FASTKD2: variants seen among roughly 807,000 people sequenced by gnomAD.
The protein encoded by FASTKD2 is FAST kinase domains 2.
In FASTKD2, 51 loss-of-function variants were observed where a neutral mutation model predicts 63.6. That is an observed-to-expected ratio of 0.80 (90% CI 0.64 to 1.01). The LOEUF (loss-of-function observed/expected upper bound fraction) is 1.01, where lower values mean the gene tolerates loss of function less well. Ranked by LOEUF, FASTKD2 falls within the 50% of genes least tolerant of loss-of-function variation. The pLI, the probability that FASTKD2 is intolerant of heterozygous loss-of-function variation, is 0.00. For synonymous variants in FASTKD2, 284 were observed against 293.4 expected (o/e 0.97, Z 0.33); for missense variants, 786 against 831.1 (o/e 0.95, Z 0.67).
At chr2:206,780,368 A>T (rs570508669) in intron 7 of FASTKD2, among the ~76,000 whole-genome samples, 1 of 152,268 alleles carries the variant, frequency 6.6e-6, no homozygotes, top group East Asian at 1.9e-4. Context: ...TTTGCCAAGT[A>T]TAGGATTATT....
In FASTKD2 at chr2:206,794,603, G is replaced by C. The variant is rs975497559; in HGVS notation, c.*2801G>C. Among the ~76,000 whole-genome samples the C allele has an allele frequency of 2.2e-4, 33 of 152,198 alleles. No individual in the cohort carries two copies. The highest frequency in any genetic ancestry group is 7.9e-4 in the African/African-American group (33 of 41,546). ...AATTCTCAGTAGTTACCACTGAATA[G>C]AAACTTTCTTTACACAAAGCTGATT... On this transcript the variant is annotated 3_prime_UTR_variant, in exon 12 of 12. Coordinates refer to ENST00000402774, the MANE Select transcript of FASTKD2 (RefSeq NM_001136193.2).
rs762496331 is a variant in FASTKD2, at chr2:206,787,921, CTT to C, written c.1595-12_1595-11del. 6.2e-6 allele frequency: 9 copies of C among 1,463,118 alleles called. No homozygotes were observed. The highest frequency in any genetic ancestry group is 1.1e-5 in the South Asian group (1 of 87,890). The allele number at this position is 1,463,118 out of a possible 1,614,324, so 90.6% of individuals were successfully genotyped here. ...TTATTTCTTCTTAATGATATACTCT[CTT>C]TTTCATCTTTTAGATGACATGAAGA... On this transcript the variant is annotated splice_polypyrimidine_tract_variant and intron_variant, in intron 8 of 11. Transcript: ENST00000402774.
At position 206,772,240 on chromosome 2, in the gene FASTKD2, C is replaced by G; in HGVS notation, c.1174C>G (p.Leu392Val). 2 of 1,613,090 alleles carry G rather than the reference C, an allele frequency of 1.2e-6. No homozygotes were observed. The highest frequency in any genetic ancestry group is 1.7e-6 in the Non-Finnish European group (2 of 1,179,054). ...MINILQSCKD[L>V]QYHNLDLFKG... Reference sequence around the variant, plus strand: ...CAACATATTGCAGTCCTGCAAAGACCTCCAGTACCATAATTTGGATCTCTT... The same window carrying G: ...CAACATATTGCAGTCCTGCAAAGACGTCCAGTACCATAATTTGGATCTCTT... The change falls in exon 6 of 12, where the codon CTC (leucine) becomes GTC (valine). Residue 392 changes from leucine to valine, a missense_variant. Coordinates refer to ENST00000402774, the MANE Select transcript of FASTKD2 (RefSeq NM_001136193.2).
chr2:206,773,315 T>TC (rs1553596458), intron 6 of FASTKD2, among the ~76,000 whole-genome samples: 2 of 65,172 alleles, frequency 3.1e-5, no homozygotes, highest in Admixed American at 1.7e-4. Flanking sequence ...AAACTCTGTC[T>TC]CAAAAAAAAA....
chr2:206,790,293 C>CT (rs770732530), intron 10 of FASTKD2: 3 of 372,456 alleles, frequency 8.1e-6, no homozygotes, highest in Admixed American at 4.0e-5. Flanking sequence ...AAAATTGGTG[C>CT]TTTCATGTCT....
rs761768677 is a variant in FASTKD2, at chr2:206,774,273, G to A, written c.1303G>A (p.Gly435Ser). The change falls in exon 7 of 12, where the codon GGT (glycine) becomes AGT (serine). Residue 435 changes from glycine to serine, a missense_variant. Gly to Ser is a moderately conservative substitution (Grantham distance 56). Coordinates refer to ENST00000402774, the MANE Select transcript of FASTKD2 (RefSeq NM_001136193.2). The part of the protein sequence containing the change: ...LFENLGFRPV[G>S]LMDLFMKRIV... ...TGAAAACCTTGGCTTTCGACCTGTTGGTTTAATGGACCTGTTTATGAAGAG... is the reference window on the plus strand; with the variant it reads ...TGAAAACCTTGGCTTTCGACCTGTTAGTTTAATGGACCTGTTTATGAAGAG... 6.2e-7 allele frequency: 1 copy of A among 1,611,508 alleles called. No homozygotes were observed. Among genetic ancestry groups the A allele is most frequent in the South Asian group, 1.1e-5 (1 of 90,962 alleles).
At position 206,767,361 on chromosome 2, in the gene FASTKD2, A is replaced by G; in HGVS notation, c.668A>G (p.Glu223Gly). The change falls in exon 2 of 12, where the codon GAA (glutamate) becomes GGA (glycine). Residue 223 changes from glutamate (E) to glycine (G), a missense_variant. Physicochemically the swap from Glu to Gly is moderately conservative, Grantham distance 98. Transcript: ENST00000402774. ...CAGCTCTGTGAACATATGATGAGAGAAGCCAAGATCATGCAGTATAAGTAC... is the reference window on the plus strand; with the variant it reads ...CAGCTCTGTGAACATATGATGAGAGGAGCCAAGATCATGCAGTATAAGTAC... ...FNQLCEHMMR[E>G]AKIMQYKYLL... The G allele has an allele frequency of 1.9e-6, 3 of 1,614,102 alleles. No individual in the cohort carries two copies. Among genetic ancestry groups the G allele is most frequent in the Non-Finnish European group, 2.5e-6 (3 of 1,180,016 alleles).
At chr2:206,790,425 A>G in intron 10 of FASTKD2, 147 bp from the exon 11 acceptor site, 1 of 671,760 alleles carries the variant, frequency 1.5e-6, no homozygotes, top group Non-Finnish European at 2.7e-6. Flanking sequence ...GCAGAGGCCA[A>G]GTAAAAGAAG....
At chr2:206,769,184 A>C (rs184959583) in intron 2 of FASTKD2, among the ~76,000 whole-genome samples, 191 of 152,360 alleles carry the variant, frequency 1.3e-3, no homozygotes, top group Non-Finnish European at 1.8e-3. Context: ...CACATAGACA[A>C]GTGGTCTTTT....
Position 206,788,471 on chromosome 2 carries a change from C to T in FASTKD2, c.1813+316C>T, listed in dbSNP as rs540926194. Among the ~76,000 whole-genome samples, 11 of 152,102 alleles carry T rather than the reference C, an allele frequency of 7.2e-5. No individual in the cohort carries two copies. In the South Asian group the frequency reaches 1.9e-3, roughly 26 times the overall value. On this transcript the variant is annotated intron_variant, in intron 9 of 11. Transcript: ENST00000402774. ...ACTTGGGGCTGGTCACGGTGGCACACGCCTGTAATCCTAGCATGTGGAGAG... is the reference window on the plus strand; with the variant it reads ...ACTTGGGGCTGGTCACGGTGGCACATGCCTGTAATCCTAGCATGTGGAGAG...
Position 206,795,093 on chromosome 2 carries a change from ATC to A in FASTKD2, c.*3298_*3299del, listed in dbSNP as rs1690408313. ...ATCACAGCCAGGCAGCAAAGGACAG[ATC>A]TCTCTCATACTCTTCATTCACAGGG... On this transcript the variant is annotated 3_prime_UTR_variant, in exon 12 of 12. Coordinates refer to ENST00000402774, the MANE Select transcript of FASTKD2 (RefSeq NM_001136193.2). Among the ~76,000 whole-genome samples the A allele has an allele frequency of 6.6e-6, 1 of 152,148 alleles. No individual in the cohort carries two copies. The highest frequency in any genetic ancestry group is 1.5e-5 in the Non-Finnish European group (1 of 68,040).
intron 7 of FASTKD2, among the ~76,000 whole-genome samples, chr2:206,780,363 C>G (rs1480604235): frequency 6.6e-6 from 1 of 152,036 alleles, no homozygotes. Flanking sequence ...ACGGTTTTGC[C>G]AAGTATAGGA....
Position 206,785,304 on chromosome 2 carries a change from T to C in FASTKD2, c.1428-1429T>C, listed in dbSNP as rs144297585. ...AGCCAAACCATATCATCTAGGATAT[T>C]TGGAAATAGAGGAAGGATATATCAG... On this transcript the variant is annotated intron_variant, in intron 7 of 11. Coordinates refer to ENST00000402774, the MANE Select transcript of FASTKD2 (RefSeq NM_001136193.2). 4.6e-5 allele frequency among the ~76,000 whole-genome samples: 7 copies of C among 152,120 alleles called. No individual in the cohort carries two copies. In the East Asian group the frequency reaches 1.4e-3, roughly 30 times the overall value.
rs1229818374 is a variant in FASTKD2 at position 206,794,418 on chromosome 2, A to G, written c.*2616A>G. Among the ~76,000 whole-genome samples, 1 of 152,018 alleles carries G rather than the reference A, an allele frequency of 6.6e-6. No individual in the cohort carries two copies. The highest frequency in any genetic ancestry group is 1.5e-5 in the Non-Finnish European group (1 of 68,002). On this transcript the variant is annotated 3_prime_UTR_variant, in exon 12 of 12. Transcript: ENST00000402774. ...ATTATTTTTTAATTTTAATTTTTAGATTTTTAAAGATGGGGCCCTGCTATG... is the reference window on the plus strand; with the variant it reads ...ATTATTTTTTAATTTTAATTTTTAGGTTTTTAAAGATGGGGCCCTGCTATG...
At chr2:206,772,449 T>A in intron 6 of FASTKD2, 129 bp downstream of exon 6, 1 of 948,492 alleles carries the variant, frequency 1.1e-6, no homozygotes, top group Non-Finnish European at 1.6e-6. Context: ...CTGAATTGAC[T>A]TTTGAAAAAT....
rs1338746508 is a variant in FASTKD2, at chr2:206,792,544, A to G, written c.*742A>G. 6.6e-6 allele frequency: 1 copy of G among 152,124 alleles called. No individual in the cohort carries two copies. The highest frequency in any genetic ancestry group is 1.5e-5 in the Non-Finnish European group (1 of 68,044). The allele number at this position is 152,124 out of a possible 1,614,324, so 9.4% of individuals were successfully genotyped here. ...ACTATTTTTTCGATTATGTGTGTTC[A>G]TTCTTTGTTCAAATATTTGTCCAAA... On this transcript the variant is annotated 3_prime_UTR_variant, in exon 12 of 12. Transcript: ENST00000402774.
rs149856833 is a variant in FASTKD2, at chr2:206,767,541, G to C, written c.777+71G>C. ...TATTTTGAAAGAATGAAGGGATATAGATATGTAGCCTTCTTAAAAGAGACT... is the reference window on the plus strand; with the variant it reads ...TATTTTGAAAGAATGAAGGGATATACATATGTAGCCTTCTTAAAAGAGACT... On this transcript the variant is annotated intron_variant, in intron 2 of 11. Coordinates refer to ENST00000402774, the MANE Select transcript of FASTKD2 (RefSeq NM_001136193.2). 6.5e-4 allele frequency: 778 copies of C among 1,191,620 alleles called. 6 individuals are homozygous for C. In the African/African-American group the frequency reaches 0.011, roughly 16 times the overall value. 73.8% of individuals were successfully genotyped at this position (1,191,620 alleles called of 1,614,324 possible).
At chr2:206,781,709 T>G (rs1488307587) in intron 7 of FASTKD2, among the ~76,000 whole-genome samples, 1 of 151,430 alleles carries the variant, frequency 6.6e-6, no homozygotes, top group African/African-American at 2.4e-5. Context: ...AGGGAATGTC[T>G]TGCTCCCTCT....
In FASTKD2 at chr2:206,771,929, T is replaced by G; in HGVS notation, c.1026T>G (p.Val342=). 1 of 1,610,664 alleles carries G rather than the reference T, an allele frequency of 6.2e-7. No homozygotes were observed. Among genetic ancestry groups the G allele is most frequent in the Non-Finnish European group, 8.5e-7 (1 of 1,176,850 alleles). Residue 342 remains valine (V), a synonymous_variant, in exon 5 of 12, where the codon GTT becomes GTG. Transcript: ENST00000402774. ...TGAGGGAATTAGACAGATTTTCTGT[T>G]TTGAATAGCCAACACATGTTTGAAG... ...KALRELDRFS[V]LNSQHMFEVL... is the part of the protein sequence containing the mutation.
Sources: gnomAD v4.1 joint callset for allele counts (sites outside exome capture counted in the v4.1 genomes callset) on GRCh38, gnomAD v4.1.1 for gene constraint, MANE v1.5 for transcripts, NCBI Gene and HGNC (gene_info 2026-07-23, HGNC 2026-07-21) for gene names.